Variants in B3GALNT2 observed in about 807,000 individuals in gnomAD.
The protein encoded by B3GALNT2 is UDP-GalNAc:beta-1,3-N-acetylgalactosaminyltransferase 2.
B3GALNT2 carries 53 observed loss-of-function variants against 61.1 expected under a neutral mutation model. That is an observed-to-expected ratio of 0.87 (90% CI 0.70 to 1.09). The LOEUF is 1.09. B3GALNT2 is among the 50% of genes least tolerant of loss of function. The probability of loss-of-function intolerance (pLI) is 0.00; values close to 1 mark genes in which losing one functional copy is unlikely to be tolerated. For missense variants in B3GALNT2, 544 were observed against 623.0 expected (o/e 0.87, Z 1.35); for synonymous variants, 223 against 237.4 (o/e 0.94, Z 0.56).
At chr1:235,454,399 A>G in intron 9 of B3GALNT2, 84 bp from the exon 10 acceptor site, 4 of 1,296,626 alleles carry the variant, frequency 3.1e-6, no homozygotes, top group Non-Finnish European at 4.3e-6. Context: ...TATCATCACT[A>G]CAAAGGAATA....
chr1:235,484,788 T>G, intron 3 of B3GALNT2: 1 of 383,336 alleles, frequency 2.6e-6, no homozygotes, highest in Non-Finnish European at 4.4e-6. Context: ...CATATATATG[T>G]ATAAACGCCA....
chr1:235,458,412 C>T (rs1437990858), intron 8 of B3GALNT2, among the ~76,000 whole-genome samples, 191 bp downstream of exon 8: 3 of 151,812 alleles, frequency 2.0e-5, no homozygotes, highest in African/African-American at 7.3e-5. Context: ...CAATAAGGCA[C>T]AGTGTCATGT....
At chr1:235,485,802 A>G (rs1173444940) in intron 3 of B3GALNT2, among the ~76,000 whole-genome samples, 1 of 148,678 alleles carries the variant, frequency 6.7e-6, no homozygotes, top group Non-Finnish European at 1.5e-5. Context: ...ACACACACCT[A>G]TTTACTTACA....
At position 235,447,977 on chromosome 1, in the gene B3GALNT2, A is replaced by T. The variant is rs1398451579; in HGVS notation, c.*2229T>A. ...TGTAATCCCAGCACTTTGGGGGGCC[A>T]GGGCGGGCGGATCACGAGGTCAGGA... On this transcript the variant is annotated 3_prime_UTR_variant, in exon 12 of 12. Coordinates refer to ENST00000366600, the MANE Select transcript of B3GALNT2 (RefSeq NM_152490.5). Among the ~76,000 whole-genome samples, 1 of 152,008 alleles carries T rather than the reference A, an allele frequency of 6.6e-6. No individual in the cohort carries two copies. Among genetic ancestry groups the T allele is most frequent in the Non-Finnish European group, 1.5e-5 (1 of 67,992 alleles).
At chr1:235,496,707 G>A (rs1036818300) in intron 1 of B3GALNT2, among the ~76,000 whole-genome samples, 1 of 151,928 alleles carries the variant, frequency 6.6e-6, no homozygotes, top group African/African-American at 2.4e-5. Context: ...CACTGTGCCT[G>A]GCTAATTTTT....
intron 6 of B3GALNT2, among the ~76,000 whole-genome samples, chr1:235,468,737 C>T (rs1006508262): frequency 2.0e-5 from 3 of 152,052 alleles, no homozygotes; most frequent in Non-Finnish European, 4.4e-5. Context: ...AGGCGTGAGC[C>T]ACCGCGCCCG....
chr1:235,462,635 A>G (rs550688999), intron 7 of B3GALNT2, among the ~76,000 whole-genome samples: 12 of 152,374 alleles, frequency 7.9e-5, no homozygotes, highest in East Asian at 5.8e-4. Flanking sequence ...AAAAGATAAC[A>G]TAAGTATTTA....
intron 3 of B3GALNT2, among the ~76,000 whole-genome samples, chr1:235,486,521 A>G (rs543603676): frequency 6.6e-6 from 1 of 152,224 alleles, no homozygotes; most frequent in Non-Finnish European, 1.5e-5. Flanking sequence ...ACCTTCTACC[A>G]CAGCCACAGT....
intron 5 of B3GALNT2, 31 bp from the exon 6 acceptor site, chr1:235,470,991 T>C (rs1444750083): frequency 1.2e-6 from 2 of 1,609,672 alleles, no homozygotes; most frequent in Admixed American, 1.7e-5. Context: ...GTGAGTCAAT[T>C]TCCTTATTGC....
rs146355313 is a variant in B3GALNT2 at position 235,461,664 on chromosome 1, G to A, written c.842-2878C>T. ...CTCGAGTAGCTAGGATTACAGGCGT[G>A]CGCCACCATGCCTAGCTAATTTTTG... On this transcript the variant is annotated intron_variant, in intron 7 of 11. Coordinates refer to ENST00000366600, the MANE Select transcript of B3GALNT2 (RefSeq NM_152490.5). Among the ~76,000 whole-genome samples the A allele has an allele frequency of 1.1e-3, 162 of 152,004 alleles. 4 individuals are homozygous for A. In the East Asian group the frequency reaches 0.027, roughly 25 times the overall value.
chr1:235,471,594 G>A (rs951035837), intron 5 of B3GALNT2, among the ~76,000 whole-genome samples: 5 of 152,148 alleles, frequency 3.3e-5, no homozygotes, highest in African/African-American at 1.2e-4. Context: ...TCCCTGGTAT[G>A]GGATACTAGT....
intron 5 of B3GALNT2, among the ~76,000 whole-genome samples, chr1:235,473,794 T>C (rs1684115776): frequency 1.3e-5 from 2 of 152,192 alleles, no homozygotes; most frequent in Admixed American, 1.3e-4. Context: ...GTAAAAACTA[T>C]AGTGACCAGA....
At position 235,484,484 on chromosome 1, in the gene B3GALNT2, C is replaced by G. The variant is rs1382477036; in HGVS notation, c.393G>C (p.Leu131=). The change falls in exon 4 of 12, where the codon CTG becomes CTC. Residue 131 remains leucine (L), a synonymous_variant. Transcript: ENST00000366600. ...VLNQEIEAFS[L]SEDTSSGLPE... Reference sequence around the variant, plus strand: ...GCAGCCCCGATGAAGTGTCTTCGGACAGACTGAACGCTTCAATTTCCTGAT... The same window carrying G: ...GCAGCCCCGATGAAGTGTCTTCGGAGAGACTGAACGCTTCAATTTCCTGAT... 1 of 1,614,124 alleles carries G rather than the reference C, an allele frequency of 6.2e-7. No individual in the cohort carries two copies. Among genetic ancestry groups the G allele is most frequent in the Non-Finnish European group, 8.5e-7 (1 of 1,180,004 alleles).
intron 7 of B3GALNT2, among the ~76,000 whole-genome samples, chr1:235,460,358 G>A (rs1399716572): frequency 1.3e-5 from 2 of 149,856 alleles, no homozygotes; most frequent in Non-Finnish European, 3.0e-5. Flanking sequence ...TGGCCAGGCT[G>A]GTCTCGAACT....
intron 5 of B3GALNT2, among the ~76,000 whole-genome samples, chr1:235,472,061 T>C (rs1351900510): frequency 6.6e-6 from 1 of 152,226 alleles, no homozygotes; most frequent in Non-Finnish European, 1.5e-5. Context: ...TGCCTTATCA[T>C]GCTGCTTTGC....
At chr1:235,440,454 G>A in the B3GALNT2 span, among the ~76,000 whole-genome samples, 132 of 151,842 alleles carry the variant, frequency 8.7e-4, no homozygotes, top group Non-Finnish European at 1.5e-3. Context: ...GTCCAATGGC[G>A]CGATCTCGGC....
At chr1:235,496,803 A>T (rs947344110) in intron 1 of B3GALNT2, among the ~76,000 whole-genome samples, 1 of 152,072 alleles carries the variant, frequency 6.6e-6, no homozygotes, top group Non-Finnish European at 1.5e-5. Context: ...TCGGCCTCCC[A>T]AAGTGCTGGG....
intron 2 of B3GALNT2, among the ~76,000 whole-genome samples, chr1:235,490,241 T>C (rs1684999144): frequency 6.6e-6 from 1 of 152,066 alleles, no homozygotes; most frequent in Admixed American, 6.6e-5. Flanking sequence ...GTTGTTTTCT[T>C]TTTTTTTGAG....
Position 235,448,512 on chromosome 1 carries a change from G to C in B3GALNT2, c.*1694C>G. 4 of 1,475,960 alleles carry C rather than the reference G, an allele frequency of 2.7e-6. No individual in the cohort carries two copies. The highest frequency in any genetic ancestry group is 3.8e-6 in the Non-Finnish European group (4 of 1,054,416). 91.4% of individuals were successfully genotyped at this position (1,475,960 alleles called of 1,614,324 possible). The stretch of plus-strand genomic sequence containing the variant: ...GTATTATGACATTAAACTGTCTCTA[G>C]ATAGCAACAGTTTGATTCTAAATGG... On this transcript the variant is annotated 3_prime_UTR_variant, in exon 12 of 12. Coordinates refer to ENST00000366600, the MANE Select transcript of B3GALNT2 (RefSeq NM_152490.5).
Sources: gnomAD v4.1 joint callset for allele counts (sites outside exome capture counted in the v4.1 genomes callset) on GRCh38, gnomAD v4.1.1 for gene constraint, MANE v1.5 for transcripts, NCBI Gene and HGNC (gene_info 2026-07-23, HGNC 2026-07-21) for gene names.